The following MICAL3 variants were observed in gnomAD, a reference collection of about 807,000 sequenced individuals.
The protein encoded by MICAL3 is microtubule associated monooxygenase, calponin and LIM domain containing 3, also known as [F-actin]-monooxygenase MICAL3.
Under a neutral mutation model 207.4 loss-of-function variants are expected in MICAL3, and 62 were observed. The observed-to-expected ratio is 0.30, with a 90% confidence interval of 0.24 to 0.37. The LOEUF is 0.37. Among genes scored for constraint, MICAL3 ranks in the 10% least tolerant of loss-of-function variants. The probability of loss-of-function intolerance (pLI) is 1.00; values close to 1 mark genes in which losing one functional copy is unlikely to be tolerated. For missense variants in MICAL3, 2,368 were observed against 2,635.6 expected, an observed-to-expected ratio of 0.90 and a Z score of 2.22; for synonymous variants, 1,077 against 1,069.3, an observed-to-expected ratio of 1.01 and a Z score of -0.14.
chr22:17,987,194 T>C (rs183539353), intron 1 of MICAL3, among the ~76,000 whole-genome samples: 54 of 152,136 alleles, frequency 3.5e-4, no homozygotes, highest in Admixed American at 2.7e-3. Context: ...TGAGCTATGA[T>C]CATGCCACCG....
At chr22:17,876,730 GGGAGCTTATGGAGGTT>G (rs1569108847) in intron 16 of MICAL3, 1 of 147,454 alleles carries the variant, frequency 6.8e-6, no homozygotes, top group Non-Finnish European at 1.5e-5. Flanking sequence ...ATGGAGGTTA[GGGAGCTTATGGAGGTT>G]AGGGAGGTTA....
At chr22:17,844,850 G>A (rs5992877) in intron 19 of MICAL3, among the ~76,000 whole-genome samples, 6,011 of 152,252 alleles carry the variant, frequency 0.039, 315 homozygotes, top group African/African-American at 0.13. Flanking sequence ...AGAGGCAGAG[G>A]GCAATCCTGA....
chr22:17,870,142 G>A (rs952847306), intron 17 of MICAL3, among the ~76,000 whole-genome samples: 10 of 152,312 alleles, frequency 6.6e-5, no homozygotes, highest in Admixed American at 6.5e-5. Flanking sequence ...TAGAACGGCT[G>A]TCTTCTCTGC....
chr22:17,945,321 T>C (rs998283076), intron 1 of MICAL3, among the ~76,000 whole-genome samples: 6 of 152,128 alleles, frequency 3.9e-5, no homozygotes, highest in Non-Finnish European at 7.4e-5. Flanking sequence ...CTAATGCACA[T>C]GAAAATCTAA....
chr22:17,990,182 T>C (rs1284538536), intron 1 of MICAL3, among the ~76,000 whole-genome samples: 1 of 151,818 alleles, frequency 6.6e-6, no homozygotes, highest in African/African-American at 2.4e-5. Flanking sequence ...TGCTTTCATA[T>C]TGATGAGAAA....
At chr22:17,875,987 T>C (rs562429663) in intron 16 of MICAL3, among the ~76,000 whole-genome samples, 2 of 152,302 alleles carry the variant, frequency 1.3e-5, no homozygotes, top group East Asian at 3.9e-4. Flanking sequence ...CCATTGGCCT[T>C]AGAAGTAGCA....
intron 1 of MICAL3, among the ~76,000 whole-genome samples, chr22:17,944,020 C>A (rs550054695): frequency 6.6e-6 from 1 of 152,344 alleles, no homozygotes; most frequent in East Asian, 1.9e-4. Flanking sequence ...CCTGCCAACA[C>A]TGACAGTGGA....
chr22:17,826,276 T>A (rs1331772614), intron 22 of MICAL3, among the ~76,000 whole-genome samples: 3 of 151,068 alleles, frequency 2.0e-5, no homozygotes, highest in Admixed American at 6.6e-5. Flanking sequence ...GAAGGGGGGG[T>A]GTGCGTCTGA....
At position 18,016,909 on chromosome 22, in the gene MICAL3, C is replaced by T. The variant is rs181470850; in HGVS notation, c.-75+7372G>A. ...GAACCAAGATTGCTTCACTGCACTC[C>T]GGCCTGGGTGACAGAGCCAGACTCT... On this transcript the variant is annotated intron_variant, in intron 1 of 31. Transcript: ENST00000441493. Among the ~76,000 whole-genome samples the T allele has an allele frequency of 8.5e-3, 1,289 of 151,458 alleles. 27 individuals are homozygous for T. Among genetic ancestry groups the T allele is most frequent in the African/African-American group, 0.029 (1,204 of 41,280 alleles).
chr22:18,000,600 G>A (rs9605488), intron 1 of MICAL3, among the ~76,000 whole-genome samples: 2,555 of 152,366 alleles, frequency 0.017, 35 homozygotes, highest in Middle Eastern at 0.024. Context: ...GGCAAGCCCG[G>A]TTCCGTGTAG....
At position 17,866,048 on chromosome 22, in the gene MICAL3, G is replaced by C. The variant is rs746194723; in HGVS notation, c.2429-36C>G. 2.0e-6 allele frequency: 3 copies of C among 1,508,808 alleles called. No homozygotes were observed. The South Asian group carries it at 3.4e-5, about 17-fold the overall frequency. 93.5% of individuals were successfully genotyped at this position (1,508,808 alleles called of 1,614,324 possible). A position where few individuals can be genotyped will look rare whatever the true frequency, so the allele number is the denominator to read the frequency against. ...CAAGAGGCAGGGACAGAGGCGATGA[G>C]CCAGGCACGGATCCTGAACGTGCCT... On this transcript the variant is annotated intron_variant, in intron 17 of 31. Coordinates refer to ENST00000441493, the MANE Select transcript of MICAL3 (RefSeq NM_015241.3).
chr22:17,830,400 C>T (rs148574822), intron 21 of MICAL3, among the ~76,000 whole-genome samples: 1 of 152,338 alleles, frequency 6.6e-6, no homozygotes, highest in Non-Finnish European at 1.5e-5. Flanking sequence ...TTGACGTTAG[C>T]ACTAAGTCCA....
intron 1 of MICAL3, among the ~76,000 whole-genome samples, chr22:17,991,238 A>G (rs1218464991): frequency 6.6e-6 from 1 of 152,196 alleles, no homozygotes; most frequent in East Asian, 1.9e-4. Flanking sequence ...TGTGCCTCTG[A>G]GCCTGCGTGT....
At chr22:18,006,830 T>TCA (rs371780100) in intron 1 of MICAL3, among the ~76,000 whole-genome samples, 3 of 151,850 alleles carry the variant, frequency 2.0e-5, no homozygotes, top group African/African-American at 4.8e-5. Context: ...CGAAACTCTG[T>TCA]CACACACACA....
At chr22:17,851,531 T>C (rs1327147897) in intron 19 of MICAL3, among the ~76,000 whole-genome samples, 2 of 152,214 alleles carry the variant, frequency 1.3e-5, no homozygotes, top group African/African-American at 2.4e-5. Flanking sequence ...GAATAAATGA[T>C]CAGGATAAAG....
chr22:17,790,839 C>T lies in MICAL3; in HGVS notation c.5902G>A (p.Asp1968Asn). 6.2e-7 allele frequency: 1 copy of T among 1,613,878 alleles called. No individual in the cohort carries two copies. The highest frequency in any genetic ancestry group is 8.5e-7 in the Non-Finnish European group (1 of 1,179,896). ...NEMLEVVEQR[D>N]SLVALLEEQR... ...TCCTCCAGCAGCGCCACCAGTGAGT[C>T]TCTCTGCTCCACCACCTCCAGCATC... Residue 1968 changes from aspartate (D) to asparagine (N), a missense_variant, in exon 32 of 32, where the codon GAC becomes AAC. Asp to Asn is a conservative substitution (Grantham distance 23). Coordinates refer to ENST00000441493, the MANE Select transcript of MICAL3 (RefSeq NM_015241.3).
chr22:17,864,669 C>T (rs765421804), intron 19 of MICAL3: 3 of 1,606,716 alleles, frequency 1.9e-6, no homozygotes, highest in Admixed American at 3.4e-5. Flanking sequence ...GGGCCACAGC[C>T]TGCCAGTGGA....
chr22:17,886,077 C>T, intron 15 of MICAL3, 26 bp from the exon 16 acceptor site: 1 of 1,611,514 alleles, frequency 6.2e-7, no homozygotes, highest in African/African-American at 1.3e-5. Context: ...CCCAAAGAAC[C>T]CGGCGCTGTG....
intron 19 of MICAL3, chr22:17,864,698 C>A (rs767509767): frequency 1.4e-5 from 22 of 1,612,034 alleles, no homozygotes; most frequent in Non-Finnish European, 1.9e-5. Context: ...CTGATTTGCA[C>A]CAGCACCTCC....
Sources: allele counts gnomAD v4.1 joint callset (sites outside exome capture counted in the v4.1 genomes callset), GRCh38; gene constraint gnomAD v4.1.1; transcripts MANE v1.5; gene names NCBI Gene and HGNC (gene_info 2026-07-23, HGNC 2026-07-21).